The following NEBL variants were observed in gnomAD, a reference collection of about 807,000 sequenced individuals.
NEBL encodes the protein LIM and SH3 protein 2.
Under a neutral mutation model 140.2 loss-of-function variants are expected in NEBL, and 122 were observed. That is an observed-to-expected ratio of 0.87 (90% CI 0.75 to 1.01). The LOEUF (loss-of-function observed/expected upper bound fraction) is 1.01, where lower values mean the gene tolerates loss of function less well. NEBL is among the 50% of genes least tolerant of loss of function. The probability of loss-of-function intolerance (pLI) is 0.00; values close to 1 mark genes in which losing one functional copy is unlikely to be tolerated. For missense variants in NEBL, 1,365 were observed against 1,231.3 expected (o/e 1.11, Z -1.62); for synonymous variants, 436 against 398.9 (o/e 1.09, Z -1.11).
chr10:20,878,804 A>C (rs1845748725), intron 5 of NEBL, among the ~76,000 whole-genome samples: 1 of 152,212 alleles, frequency 6.6e-6, no homozygotes, highest in African/African-American at 2.4e-5. Context: ...CACAGTATTG[A>C]ATGAAGGAGA....
At position 20,871,562 on chromosome 10, in the gene NEBL, T is replaced by C. The variant is rs370214717; in HGVS notation, c.481-1721A>G. On this transcript the variant is annotated intron_variant, in intron 5 of 27. Coordinates refer to ENST00000377122, the MANE Select transcript of NEBL (RefSeq NM_006393.3). ...TTATATACACTTCTACTTACTCTTTTATGAGCTTACATTTGCTTCACCACC... is the reference window on the plus strand; with the variant it reads ...TTATATACACTTCTACTTACTCTTTCATGAGCTTACATTTGCTTCACCACC... Among the ~76,000 whole-genome samples the C allele has an allele frequency of 2.6e-5, 4 of 152,236 alleles. No homozygotes were observed. The East Asian group carries it at 7.7e-4, about 29-fold the overall frequency.
chr10:21,125,241 C>G (rs992458567), intron 2 of NEBL, among the ~76,000 whole-genome samples: 1 of 152,052 alleles, frequency 6.6e-6, no homozygotes, highest in Non-Finnish European at 1.5e-5. Context: ...CACACACACA[C>G]ACACACACAG....
At chr10:21,122,571 C>G (rs1358290737) in intron 2 of NEBL, among the ~76,000 whole-genome samples, 2 of 152,080 alleles carry the variant, frequency 1.3e-5, no homozygotes, top group African/African-American at 4.8e-5. Flanking sequence ...TACAGATATG[C>G]AGAAATAGTC....
At chr10:21,063,934 T>C (rs1399262117) in intron 2 of NEBL, among the ~76,000 whole-genome samples, 1 of 150,856 alleles carries the variant, frequency 6.6e-6, no homozygotes, top group Non-Finnish European at 1.5e-5. Flanking sequence ...TAGCAGAGTG[T>C]GGTGACATGT....
chr10:21,221,592 C>A (rs1341557551), intron 3 of NEBL, among the ~76,000 whole-genome samples: 1 of 151,970 alleles, frequency 6.6e-6, no homozygotes, highest in African/African-American at 2.4e-5. Context: ...GCAAGCTCTA[C>A]CTCCCAGGCT....
chr10:20,850,378 C>G lies in NEBL; in HGVS notation c.1116+17G>C, dbSNP rs370094745. ...CAAATTTACATTAAACAATTAGTAA[C>G]AAACTAATTGACCTACTTCACTTTG... On this transcript the variant is annotated intron_variant, in intron 11 of 27. Coordinates refer to ENST00000377122, the MANE Select transcript of NEBL (RefSeq NM_006393.3). The G allele has an allele frequency of 3.3e-5, 50 of 1,501,154 alleles. No individual in the cohort carries two copies. The East Asian group carries it at 9.7e-4, about 29-fold the overall frequency. 93.0% of individuals were successfully genotyped at this position (1,501,154 alleles called of 1,614,324 possible).
At position 21,089,609 on chromosome 10, in the gene NEBL, T is replaced by C. The variant is rs77428407; in HGVS notation, c.165-69408A>G. 1.7e-3 allele frequency among the ~76,000 whole-genome samples: 253 copies of C among 152,076 alleles called. 10 individuals are homozygous for C. In the East Asian group the frequency reaches 0.044, roughly 26 times the overall value. ...ACTCAAAAAGTGGTGTACTGGTACC[T>C]GGCAAAAAGTGGGTGAAAGCCTGGG... On this transcript the variant is annotated intron_variant, in intron 2 of 6. Coordinates refer to the NEBL transcript ENST00000417816.
chr10:21,197,120 A>C (rs1471995774), intron 3 of NEBL, among the ~76,000 whole-genome samples: 1 of 152,242 alleles, frequency 6.6e-6, no homozygotes, highest in Non-Finnish European at 1.5e-5. Flanking sequence ...CTTGTGAAAA[A>C]AATGGTTACT....
intron 2 of NEBL, among the ~76,000 whole-genome samples, chr10:21,024,276 G>A (rs1838932456): frequency 6.6e-6 from 1 of 152,066 alleles, no homozygotes; most frequent in Admixed American, 6.5e-5. Flanking sequence ...TAATCAGTAT[G>A]TAGCATAACT....
intron 2 of NEBL, among the ~76,000 whole-genome samples, chr10:21,024,896 AAG>A (rs764107236): frequency 1.2e-4 from 19 of 152,222 alleles, no homozygotes; most frequent in Non-Finnish European, 2.6e-4. Flanking sequence ...ACGATTATAG[AAG>A]AGAGAAGTCA....
intron 3 of NEBL, among the ~76,000 whole-genome samples, chr10:21,216,930 G>A (rs1334719196): frequency 6.6e-6 from 1 of 152,054 alleles, no homozygotes; most frequent in Non-Finnish European, 1.5e-5. Context: ...GGAGGTTGCA[G>A]TGAGCCAAGA....
intron 3 of NEBL, among the ~76,000 whole-genome samples, chr10:20,975,458 A>T (rs1167199623): frequency 1.3e-5 from 2 of 152,142 alleles, no homozygotes; most frequent in Non-Finnish European, 2.9e-5. Context: ...CTATGTGGAA[A>T]CCATCTGGTC....
At chr10:20,793,311 T>C (rs984389611) in intron 26 of NEBL, 6 of 943,006 alleles carry the variant, frequency 6.4e-6, no homozygotes, top group African/African-American at 1.8e-5. Flanking sequence ...GGGAATCATT[T>C]AAAAATAAAA....
intron 3 of NEBL, among the ~76,000 whole-genome samples, chr10:21,227,568 G>A (rs1438584136): frequency 1.3e-5 from 2 of 152,186 alleles, no homozygotes; most frequent in African/African-American, 2.4e-5. Flanking sequence ...GTTCCCCCAG[G>A]TCAGAGAAAA....
In NEBL at chr10:20,812,775, T is replaced by C; in HGVS notation, c.2512A>G (p.Ile838Val). The change falls in exon 24 of 28, where the codon ATT becomes GTT. Residue 838 changes from isoleucine to valine, a missense_variant. Physicochemically the swap from Ile to Val is conservative, Grantham distance 29. This residue lies in a region of NEBL where 1,323 missense variants were observed against 1,154.8 expected (regional missense o/e 1.15). Coordinates refer to ENST00000377122, the MANE Select transcript of NEBL (RefSeq NM_006393.3). ...ACAAACGCCGTCAGCTTACCAACAA[T>C]GATTCCAGGTCTCCTGTCCATCTCC... ...IVEMDRRPGI[I>V]VDLKVWRTDP... 1 of 1,613,896 alleles carries C rather than the reference T, an allele frequency of 6.2e-7. No homozygotes were observed. Among genetic ancestry groups the C allele is most frequent in the African/African-American group, 1.3e-5 (1 of 75,042 alleles).
At chr10:21,194,582 C>T (rs1841620839) in intron 3 of NEBL, among the ~76,000 whole-genome samples, 1 of 152,076 alleles carries the variant, frequency 6.6e-6, no homozygotes, top group African/African-American at 2.4e-5. Context: ...AAGGGAAGGG[C>T]ACCTTTTTCT....
rs186108454 is a variant in NEBL, at chr10:21,071,749, T to G, written c.165-51548A>C. The stretch of plus-strand genomic sequence containing the variant: ...TTTGGTGGCTTAAAACAACAGAAAT[T>G]TATTCTTTTGCAGTTCCAAAGATCA... On this transcript the variant is annotated intron_variant, in intron 2 of 6. Coordinates refer to the NEBL transcript ENST00000417816. Among the ~76,000 whole-genome samples the G allele has an allele frequency of 5.3e-3, 812 of 152,282 alleles. 3 individuals carry two copies. The highest frequency in any genetic ancestry group is 0.019 in the African/African-American group (773 of 41,536).
intron 19 of NEBL, among the ~76,000 whole-genome samples, chr10:20,819,761 G>A (rs535096650): frequency 1.3e-5 from 2 of 152,098 alleles, no homozygotes; most frequent in South Asian, 2.1e-4. Flanking sequence ...GTCTTGCTCC[G>A]TTGTCCAGGC....
At chr10:21,204,411 C>G (rs1465613819) in intron 3 of NEBL, among the ~76,000 whole-genome samples, 1 of 152,160 alleles carries the variant, frequency 6.6e-6, no homozygotes, top group Non-Finnish European at 1.5e-5. Flanking sequence ...TAAGAAGAGA[C>G]AGTAGAGACC....
Sources: allele counts gnomAD v4.1 joint callset (sites outside exome capture counted in the v4.1 genomes callset), GRCh38; gene constraint gnomAD v4.1.1; regional missense constraint gnomAD v4.1.1; transcripts MANE v1.5; gene names NCBI Gene and HGNC (gene_info 2026-07-23, HGNC 2026-07-21).